Variants in CAST observed in about 807,000 individuals in gnomAD.
CAST encodes the protein MIR583 host.
In CAST, 76 loss-of-function variants were observed where a neutral mutation model predicts 119.6. The ratio of observed to expected loss-of-function variants is 0.64; its 90% confidence interval spans 0.53 to 0.77. CAST has a LOEUF of 0.77. Among genes scored for constraint, CAST ranks in the 30% least tolerant of loss-of-function variants. The pLI is 0.00. For missense variants in CAST, 953 were observed against 946.5 expected (o/e 1.01, Z -0.09); for synonymous variants, 319 against 331.6 (o/e 0.96, Z 0.41).
At chr5:96,766,661 C>G (rs1459159699) in intron 27 of CAST, among the ~76,000 whole-genome samples, 1 of 152,200 alleles carries the variant, frequency 6.6e-6, no homozygotes, top group Non-Finnish European at 1.5e-5. Context: ...CAAAAAGTCC[C>G]TGGCCTTTTG....
chr5:96,571,440 CA>C (rs1746564099), intron 1 of CAST, among the ~76,000 whole-genome samples: 1 of 152,134 alleles, frequency 6.6e-6, no homozygotes, highest in African/African-American at 2.4e-5. Flanking sequence ...TATTAATTTT[CA>C]AAATATTTCA....
intron 2 of CAST, among the ~76,000 whole-genome samples, chr5:96,687,238 C>G (rs1187594500): frequency 1.3e-5 from 2 of 152,126 alleles, no homozygotes; most frequent in African/African-American, 4.8e-5. Context: ...AGGATTCTGA[C>G]TAAAGTAGCC....
At chr5:96,562,997 C>T (rs1226914925) in intron 1 of CAST, among the ~76,000 whole-genome samples, 1 of 152,186 alleles carries the variant, frequency 6.6e-6, no homozygotes, top group Non-Finnish European at 1.5e-5. Context: ...TGTCCTCCCT[C>T]TAAAGCAGGT....
chr5:96,719,306 G>A (rs1039873835), intron 3 of CAST, among the ~76,000 whole-genome samples: 2 of 152,114 alleles, frequency 1.3e-5, no homozygotes, highest in Non-Finnish European at 2.9e-5. Context: ...GACTACAGGC[G>A]CGTGCCACCA....
At chr5:96,351,332 G>A in the CAST span, among the ~76,000 whole-genome samples, 5 of 152,020 alleles carry the variant, frequency 3.3e-5, no homozygotes, top group Non-Finnish European at 4.4e-5. Context: ...ATATAATGGC[G>A]GTGGCATGCG....
At chr5:96,528,457 G>T (rs1474845374), upstream of CAST, among the ~76,000 whole-genome samples, 1 of 152,116 alleles carries the variant, frequency 6.6e-6, no homozygotes, top group Non-Finnish European at 1.5e-5. Context: ...AGGACCAGAA[G>T]AAGGCCTTAC....
the CAST span, among the ~76,000 whole-genome samples, chr5:96,065,493 T>C: frequency 6.6e-6 from 1 of 152,048 alleles, no homozygotes; most frequent in Non-Finnish European, 1.5e-5. Context: ...TTCTCTATAC[T>C]GTGTATATAT....
At chr5:96,743,879 C>G in intron 16 of CAST, 1 of 612,058 alleles carries the variant, frequency 1.6e-6, no homozygotes, top group Non-Finnish European at 2.8e-6. Flanking sequence ...AGTCAGGAGG[C>G]CAAGCTGAGT....
At chr5:96,428,231 A>G in the CAST span, among the ~76,000 whole-genome samples, 1 of 152,156 alleles carries the variant, frequency 6.6e-6, no homozygotes, top group Non-Finnish European at 1.5e-5. Flanking sequence ...CAACAGTTCT[A>G]TCACCTTTCT....
At chr5:96,051,948 AT>A in the CAST span, among the ~76,000 whole-genome samples, 1 of 152,242 alleles carries the variant, frequency 6.6e-6, no homozygotes, top group Non-Finnish European at 1.5e-5. Flanking sequence ...GTACAATACC[AT>A]TTTTTTAACA....
chr5:96,723,112 GTTTT>G (rs1220263624), intron 4 of CAST, among the ~76,000 whole-genome samples: 5 of 151,320 alleles, frequency 3.3e-5, no homozygotes, highest in Non-Finnish European at 7.4e-5. Flanking sequence ...CCGGCTAATT[GTTTT>G]TTTGTTTGTT....
the CAST span, among the ~76,000 whole-genome samples, chr5:96,263,015 G>A: frequency 2.0e-5 from 3 of 152,262 alleles, no homozygotes; most frequent in South Asian, 4.1e-4. Context: ...CCCACGTCTA[G>A]TGAATACATT....
chr5:96,195,876 G>A, the CAST span, among the ~76,000 whole-genome samples: 1 of 152,052 alleles, frequency 6.6e-6, no homozygotes, highest in Non-Finnish European at 1.5e-5. Context: ...ATTTAATATG[G>A]CATTAAATTC....
chr5:96,765,637 T>C (rs1189391475), intron 26 of CAST, among the ~76,000 whole-genome samples: 2 of 152,136 alleles, frequency 1.3e-5, no homozygotes, highest in Admixed American at 1.3e-4. Flanking sequence ...CAGGGTTGCT[T>C]ATAAATAGGC....
At chr5:96,151,809 GAAAACT>G in the CAST span, among the ~76,000 whole-genome samples, 2 of 152,340 alleles carry the variant, frequency 1.3e-5, no homozygotes, top group South Asian at 2.1e-4. Flanking sequence ...CTCCTTCACT[GAAAACT>G]GAGGCTTAAT....
chr5:96,173,336 C>T, the CAST span, among the ~76,000 whole-genome samples: 79 of 152,174 alleles, frequency 5.2e-4, no homozygotes, highest in Middle Eastern at 3.4e-3. Context: ...TGCAAGAGTC[C>T]GGGGTATAGT....
At chr5:96,675,677 G>A (rs1750616340) in intron 2 of CAST, 76 bp downstream of exon 2, 6 of 1,118,278 alleles carry the variant, frequency 5.4e-6, no homozygotes, top group East Asian at 2.4e-5. Context: ...ATTAAATAAC[G>A]ATGTAGCAAA....
the CAST span, among the ~76,000 whole-genome samples, chr5:96,396,902 T>G: frequency 6.6e-6 from 1 of 152,246 alleles, no homozygotes; most frequent in Admixed American, 6.5e-5. Flanking sequence ...CTCCAAACAT[T>G]AAGCTACATC....
the CAST span, among the ~76,000 whole-genome samples, chr5:96,121,092 C>T: frequency 2.0e-5 from 3 of 152,108 alleles, no homozygotes; most frequent in African/African-American, 7.2e-5. Context: ...TTATCACCAT[C>T]TAAAATACCA....
Sources: gnomAD v4.1 joint callset for allele counts (sites outside exome capture counted in the v4.1 genomes callset) on GRCh38, gnomAD v4.1.1 for gene constraint, MANE v1.5 for transcripts, NCBI Gene and HGNC (gene_info 2026-07-23, HGNC 2026-07-21) for gene names.